WDR81: variants seen among roughly 807,000 people sequenced by gnomAD.
WDR81 encodes WD repeat domain 81, also known as WD repeat-containing protein 81.
A neutral mutation model predicts 140.8 loss-of-function variants in WDR81; 92 were observed. The observed-to-expected ratio is 0.65, with a 90% confidence interval of 0.55 to 0.78. The LOEUF is 0.78. Among genes scored for constraint, WDR81 ranks in the 30% least tolerant of loss-of-function variants. WDR81 has a pLI of 0.00. For synonymous variants in WDR81, 1,183 were observed against 1,156.4 expected (o/e 1.02, Z -0.47); for missense variants, 2,502 against 2,636.4 (o/e 0.95, Z 1.12).
Position 1,735,601 on chromosome 17 carries a change from G to C in WDR81, c.5209G>C (p.Asp1737His). Residue 1737 changes from aspartate (D) to histidine (H), a missense_variant, in exon 8 of 10, where the codon GAC becomes CAC. Asp to His is a moderately conservative substitution (Grantham distance 81, BLOSUM62 -1). Transcript: ENST00000409644. This position sits in a 1 kb window ranked among gnomAD's most constrained non-coding sequence, Gnocchi z 4.2. ...GACCCTTCGCACAGTGGAGCCGCTG[G>C]ACAGCCGGGTGCCCCTGACTGCGGT... ...GKTLRTVEPLDSRVPLTAVAV... is the reference protein window; with the variant it reads ...GKTLRTVEPLHSRVPLTAVAV... 6.2e-7 allele frequency: 1 copy of C among 1,612,496 alleles called. No individual in the cohort carries two copies. The highest frequency in any genetic ancestry group is 1.1e-5 in the South Asian group (1 of 91,032).
chr17:1,716,907 A>G, intron 1 of WDR81: 1 of 548,100 alleles, frequency 1.8e-6, no homozygotes, highest in Non-Finnish European at 3.2e-6. Flanking sequence ...CGCCCAGCCC[A>G]CTCCTCCTGG....
rs1047691454 is a variant in WDR81 at position 1,727,894 on chromosome 17, C to T, written c.2935C>T (p.Arg979Cys). The change falls in exon 1 of 10, where the codon CGC (arginine) becomes TGC (cysteine). Residue 979 changes from arginine to cysteine, a missense_variant. By Grantham distance (180) the Arg-to-Cys change is radical (BLOSUM62 -3). Coordinates refer to ENST00000409644, the MANE Select transcript of WDR81 (RefSeq NM_001163809.2). ...CGAGAGCCCCTGCCAGCTACACGGC[C>T]GCTTCTACCTGTACACGGACTGCTT... ...AYESPCQLHGRFYLYTDCFVA... is the reference protein window; with the variant it reads ...AYESPCQLHGCFYLYTDCFVA... 9.7e-6 allele frequency: 15 copies of T among 1,550,648 alleles called. No homozygotes were observed. Among genetic ancestry groups the T allele is most frequent in the East Asian group, 2.4e-5 (1 of 40,938 alleles).
intron 7 of WDR81, among the ~76,000 whole-genome samples, chr17:1,734,691 A>G (rs1208398337): frequency 6.6e-6 from 1 of 151,948 alleles, no homozygotes; most frequent in African/African-American, 2.4e-5. Flanking sequence ...AGGCAGGAGA[A>G]TCTCTCAAAC....
chr17:1,732,140 G>A (rs1681843260), intron 4 of WDR81, among the ~76,000 whole-genome samples, 185 bp from the exon 5 acceptor site: 1 of 152,132 alleles, frequency 6.6e-6, no homozygotes, highest in South Asian at 2.1e-4. Context: ...GGGAGACTGA[G>A]GCAGGAGAAT....
intron 4 of WDR81, among the ~76,000 whole-genome samples, chr17:1,732,031 C>T (rs1017700053): frequency 3.3e-5 from 5 of 151,434 alleles, no homozygotes; most frequent in South Asian, 2.1e-4. Context: ...GTCAGGAGTT[C>T]GAGACCAGCC....
In WDR81 at chr17:1,725,687, A is replaced by G. The variant is rs532530313; in HGVS notation, c.728A>G (p.His243Arg). 1.2e-5 allele frequency: 18 copies of G among 1,549,240 alleles called. No homozygotes were observed. The highest frequency in any genetic ancestry group is 4.9e-5 in the East Asian group (2 of 40,920). Residue 243 changes from histidine (H) to arginine (R), a missense_variant, in exon 1 of 10, where the codon CAT becomes CGT. His to Arg is a conservative substitution (Grantham distance 29). This residue lies in a region of WDR81 where 547 missense variants were observed against 513.8 expected (regional missense o/e 1.06). Transcript: ENST00000409644. Reference protein sequence around the residue: ...VVHPYVQFSLHDVVTFSPAKL... With the variant: ...VVHPYVQFSLRDVVTFSPAKL... ...CACCCTTACGTACAGTTCTCCCTAC[A>G]TGACGTGGTCACCTTCAGCCCTGCC... is the stretch of plus-strand genomic sequence containing the variant.
chr17:1,726,543 C>T lies in WDR81; in HGVS notation c.1584C>T (p.His528=). ...CSSSQEFVAA[H]RALLESREVS... ...CCAGCCAGGAGTTCGTAGCTGCCCACCGAGCCCTGCTGGAGAGCCGCGAGG... is the reference window on the plus strand; with the variant it reads ...CCAGCCAGGAGTTCGTAGCTGCCCATCGAGCCCTGCTGGAGAGCCGCGAGG... The change falls in exon 1 of 10, where the codon CAC becomes CAT. Residue 528 remains histidine, a synonymous_variant. Transcript: ENST00000409644. 2 of 1,550,434 alleles carry T rather than the reference C, an allele frequency of 1.3e-6. No individual in the cohort carries two copies. Among genetic ancestry groups the T allele is most frequent in the East Asian group, 4.9e-5 (2 of 40,922 alleles).
chr17:1,736,930 C>G (rs1904918462), intron 9 of WDR81, among the ~76,000 whole-genome samples: 2 of 152,198 alleles, frequency 1.3e-5, no homozygotes, highest in South Asian at 4.1e-4. Context: ...CCCCCAAATT[C>G]TAACTTTCCA....
chr17:1,724,622 C>G (rs1281903080), upstream of WDR81: 2 of 1,007,186 alleles, frequency 2.0e-6, no homozygotes, highest in Admixed American at 5.9e-5. Context: ...GGGAGGCCGC[C>G]GGGCAGGAAG....
rs1473919364 is a variant in WDR81, at chr17:1,734,000, G to A, written c.4963G>A (p.Ala1655Thr). The change falls in exon 7 of 10, where the codon GCA becomes ACA. Residue 1655 changes from alanine to threonine, a missense_variant. Transcript: ENST00000409644. ...PGHSGAVKCV[A>T]PLSSEDFFLS... ...CCACTCGGGGGCCGTCAAGTGCGTG[G>A]CACCCCTAAGCAGCGAGGACTTCTT... 1.9e-6 allele frequency: 3 copies of A among 1,612,732 alleles called. No homozygotes were observed. Among genetic ancestry groups the A allele is most frequent in the South Asian group, 1.1e-5 (1 of 91,082 alleles).
In WDR81 at chr17:1,727,223, C is replaced by T. The variant is rs1045865228; in HGVS notation, c.2264C>T (p.Pro755Leu). The T allele has an allele frequency of 6.5e-7, 1 of 1,550,314 alleles. No individual in the cohort carries two copies. ...LGGLLEVPEQ[P>L]RVQPAVPLQC... ...GGCCTGTTGGAGGTGCCTGAGCAGC[C>T]CCGGGTCCAGCCGGCTGTGCCACTG... Residue 755 changes from proline (P) to leucine (L), a missense_variant, in exon 1 of 10, where the codon CCC becomes CTC. Pro to Leu is a moderately conservative substitution (Grantham distance 98). Around this residue, in one of 3 missense-constraint regions of WDR81, gnomAD observed 1,737 missense variants for 1,843.0 expected, o/e 0.94. Transcript: ENST00000409644.
rs538517822 is a variant in WDR81, at chr17:1,725,779, T to A, written c.820T>A (p.Cys274Ser). 4.5e-6 allele frequency: 7 copies of A among 1,550,548 alleles called. No individual in the cohort carries two copies. The highest frequency in any genetic ancestry group is 6.1e-6 in the Non-Finnish European group (7 of 1,147,020). Residue 274 changes from cysteine (C) to serine (S), a missense_variant, in exon 1 of 10, where the codon TGT (cysteine) becomes AGT (serine). Transcript: ENST00000409644. ...LFRVLRAMDA[C>S]HRQGLACGAL... ...CCGCGTGCTGAGGGCTATGGACGCC[T>A]GTCACCGCCAGGGGCTGGCGTGTGG...
Position 1,730,821 on chromosome 17 carries a change from A to G in WDR81, c.3842A>G (p.Tyr1281Cys). Reference protein sequence around the residue: ...ESPPLSAGNIYQKRPVLGDIV... With the variant: ...ESPPLSAGNICQKRPVLGDIV... Reference sequence around the variant, plus strand: ...CCACCGCTGAGCGCCGGCAACATCTACCAGAAGAGGCCGGTCCTGGGCGAC... The same window carrying G: ...CCACCGCTGAGCGCCGGCAACATCTGCCAGAAGAGGCCGGTCCTGGGCGAC... Residue 1281 changes from tyrosine (Y) to cysteine (C), a missense_variant, in exon 3 of 10, where the codon TAC becomes TGC. Around this residue, in one of 3 missense-constraint regions of WDR81, gnomAD observed 1,737 missense variants for 1,843.0 expected, o/e 0.94. Coordinates refer to ENST00000409644, the MANE Select transcript of WDR81 (RefSeq NM_001163809.2). 1 of 1,612,598 alleles carries G rather than the reference A, an allele frequency of 6.2e-7. No homozygotes were observed. The highest frequency in any genetic ancestry group is 8.5e-7 in the Non-Finnish European group (1 of 1,179,944).
At position 1,728,139 on chromosome 17, in the gene WDR81, G is replaced by A. The variant is rs750711181; in HGVS notation, c.3180G>A (p.Ser1060=). ...TGGATGGGGAGCCTCCTGCCTCCTC[G>A]GGCCTGGGGCTCCCAGACTACACGT... is the stretch of plus-strand genomic sequence containing the variant. ...IPMDGEPPAS[S]GLGLPDYTSG... is the part of the protein sequence containing the mutation. Residue 1060 remains serine (S), a synonymous_variant, in exon 1 of 10, where the codon TCG becomes TCA. Transcript: ENST00000409644. 81 of 1,606,598 alleles carry A rather than the reference G, an allele frequency of 5.0e-5. No individual in the cohort carries two copies. The highest frequency in any genetic ancestry group is 6.3e-5 in the Non-Finnish European group (74 of 1,175,884).
upstream of WDR81, among the ~76,000 whole-genome samples, chr17:1,720,693 C>A (rs1356928459): frequency 1.3e-5 from 2 of 148,572 alleles, no homozygotes; most frequent in East Asian, 2.0e-4. Context: ...TGAACCTGGG[C>A]GGTGAAGGTT....
chr17:1,733,838 G>T lies in WDR81; in HGVS notation c.4801G>T (p.Ala1601Ser), dbSNP rs377393973. Reference sequence around the variant, plus strand: ...CCTGGGCAGCGGGAGCGACGACAACGCCCTGAAGCAGGAGCTGCCGCGGAG... The same window carrying T: ...CCTGGGCAGCGGGAGCGACGACAACTCCCTGAAGCAGGAGCTGCCGCGGAG... ...GGLGSGSDDN[A>S]LKQELPRSVH... The change falls in exon 7 of 10, where the codon GCC becomes TCC. Residue 1601 changes from alanine to serine, a missense_variant. By Grantham distance (99) the Ala-to-Ser change is moderately conservative. This residue lies in a region of WDR81 where 1,737 missense variants were observed against 1,843.0 expected (regional missense o/e 0.94). Coordinates refer to ENST00000409644, the MANE Select transcript of WDR81 (RefSeq NM_001163809.2). The T allele has an allele frequency of 5.0e-6, 8 of 1,612,568 alleles. No individual in the cohort carries two copies. The highest frequency in any genetic ancestry group is 6.8e-6 in the Non-Finnish European group (8 of 1,179,810).
At chr17:1,723,892 C>G (rs1011603886), upstream of WDR81, among the ~76,000 whole-genome samples, 1 of 152,200 alleles carries the variant, frequency 6.6e-6, no homozygotes, top group East Asian at 1.9e-4. Flanking sequence ...GGCGGACAAG[C>G]CTCTCTGGCG....
In WDR81 at chr17:1,736,172, T is replaced by C. The variant is rs1904847665; in HGVS notation, c.5459T>C (p.Val1820Ala). The change falls in exon 9 of 10, where the codon GTT (valine) becomes GCT (alanine). Residue 1820 changes from valine to alanine, a missense_variant. By Grantham distance (64) the Val-to-Ala change is moderately conservative. Coordinates refer to ENST00000409644, the MANE Select transcript of WDR81 (RefSeq NM_001163809.2). Reference protein sequence around the residue: ...MVLLDTRTGLVLRGWPAHEGD... With the variant: ...MVLLDTRTGLALRGWPAHEGD... ...CTCCTGGACACCCGCACAGGCCTGG[T>C]TCTGCGAGGCTGGCCAGCCCACGAG... 3 of 1,600,030 alleles carry C rather than the reference T, an allele frequency of 1.9e-6. No individual in the cohort carries two copies. The highest frequency in any genetic ancestry group is 1.7e-6 in the Non-Finnish European group (2 of 1,179,674).
At position 1,736,282 on chromosome 17, in the gene WDR81, G is replaced by A. The variant is rs1235825120; in HGVS notation, c.5505+64G>A. 3 of 1,537,006 alleles carry A rather than the reference G, an allele frequency of 2.0e-6. No homozygotes were observed. The African/African-American group carries it at 4.1e-5, about 21-fold the overall frequency. On this transcript the variant is annotated intron_variant, in intron 9 of 9. Coordinates refer to ENST00000409644, the MANE Select transcript of WDR81 (RefSeq NM_001163809.2). Reference sequence around the variant, plus strand: ...CCGCCCCTGTCCAGCCATCACCCCTGCTTAGGGTCTGCCTGCCCGGGTTCA... The same window carrying A: ...CCGCCCCTGTCCAGCCATCACCCCTACTTAGGGTCTGCCTGCCCGGGTTCA...
Sources: gnomAD v4.1 joint callset for allele counts (sites outside exome capture counted in the v4.1 genomes callset) on GRCh38, gnomAD v4.1.1 for gene constraint, gnomAD v4.1.1 regional missense constraint, Gnocchi (gnomAD v3.1) non-coding constraint, MANE v1.5 for transcripts, NCBI Gene and HGNC (gene_info 2026-07-23, HGNC 2026-07-21) for gene names.